Variants in LPP observed in about 807,000 individuals in gnomAD.
LPP encodes the protein lipoma-preferred partner.
Under a neutral mutation model 60.4 loss-of-function variants are expected in LPP, and 38 were observed. The observed-to-expected ratio is 0.63, with a 90% CI of 0.49 to 0.83. The LOEUF is 0.83. Ranked by LOEUF, LPP falls within the 40% of genes least tolerant of loss-of-function variation. The pLI is 0.00. For missense variants in LPP, 902 were observed against 783.6 expected (o/e 1.15, Z -1.80); for synonymous variants, 328 against 290.8 (o/e 1.13, Z -1.30).
intron 3 of LPP, among the ~76,000 whole-genome samples, chr3:188,373,482 T>G (rs1042262696): frequency 1.3e-5 from 2 of 152,338 alleles, no homozygotes; most frequent in South Asian, 4.1e-4. Flanking sequence ...TTTTCATGTG[T>G]TTTTTGGCTG....
At chr3:188,804,273 AT>A (rs1318910604) in intron 9 of LPP, among the ~76,000 whole-genome samples, 5 of 126,772 alleles carry the variant, frequency 3.9e-5, no homozygotes, top group African/African-American at 8.8e-5. Flanking sequence ...ATATATATAT[AT>A]ATATATATAA....
At chr3:188,735,358 A>G (rs1324847434) in intron 8 of LPP, among the ~76,000 whole-genome samples, 1 of 151,410 alleles carries the variant, frequency 6.6e-6, no homozygotes, top group African/African-American at 2.4e-5. Context: ...GTGTAATATA[A>G]ATAAAATAAA....
intron 6 of LPP, among the ~76,000 whole-genome samples, chr3:188,547,742 T>C (rs921024478): frequency 6.6e-6 from 1 of 152,170 alleles, no homozygotes; most frequent in African/African-American, 2.4e-5. Context: ...TTTTGCAAAA[T>C]CCTAGTACAT....
At chr3:188,202,159 G>T (rs904495700) in intron 1 of LPP, among the ~76,000 whole-genome samples, 1 of 151,834 alleles carries the variant, frequency 6.6e-6, no homozygotes, top group Non-Finnish European at 1.5e-5. Context: ...GAGCAGAAAC[G>T]TAGCCTCGTC....
At position 188,879,321 on chromosome 3, in the gene LPP, A is replaced by T. The variant is rs2152076009; in HGVS notation, c.*4842A>T. ...TTCTTTCCTACTTTCCATCCTACCTATTAGTGTTGCTGTACTTGGATTTTT... is the reference window on the plus strand; with the variant it reads ...TTCTTTCCTACTTTCCATCCTACCTTTTAGTGTTGCTGTACTTGGATTTTT... On this transcript the variant is annotated 3_prime_UTR_variant, in exon 12 of 12. Coordinates refer to ENST00000617246, the MANE Select transcript of LPP (RefSeq NM_001375462.1). 8.9e-6 allele frequency: 2 copies of T among 224,080 alleles called. No homozygotes were observed. The highest frequency in any genetic ancestry group is 1.3e-4 in the East Asian group (2 of 15,494). The allele number at this position is 224,080 out of a possible 1,614,324, so 13.9% of individuals were successfully genotyped here. A position where few individuals can be genotyped will look rare whatever the true frequency, so the allele number is the denominator to read the frequency against.
At chr3:188,273,409 T>A (rs2149813945) in intron 2 of LPP, among the ~76,000 whole-genome samples, 1 of 152,250 alleles carries the variant, frequency 6.6e-6, no homozygotes, top group East Asian at 1.9e-4. Flanking sequence ...TGCCAGGCTT[T>A]GTAGTAGATG....
chr3:188,307,901 A>G (rs541770723), intron 2 of LPP, among the ~76,000 whole-genome samples: 8 of 152,280 alleles, frequency 5.3e-5, no homozygotes, highest in African/African-American at 1.9e-4. Context: ...GGTCACCTGC[A>G]CTACTACACT....
intron 1 of LPP, among the ~76,000 whole-genome samples, chr3:188,213,387 C>T (rs1253056539): frequency 6.6e-6 from 1 of 152,096 alleles, no homozygotes; most frequent in African/African-American, 2.4e-5. Context: ...CAGCAGAGAC[C>T]CAGGCCCTGA....
intron 2 of LPP, among the ~76,000 whole-genome samples, chr3:188,294,519 C>T (rs1241883150): frequency 6.6e-6 from 1 of 152,168 alleles, no homozygotes; most frequent in Non-Finnish European, 1.5e-5. Context: ...AAAGTGGTAA[C>T]ACAACTAGAG....
At chr3:188,474,989 ATTGTC>A (rs1802803550) in intron 4 of LPP, among the ~76,000 whole-genome samples, 1 of 152,222 alleles carries the variant, frequency 6.6e-6, no homozygotes, top group Admixed American at 6.5e-5. Flanking sequence ...GAGCTAGACT[ATTGTC>A]TTAATTTCAT....
chr3:188,220,489 A>G (rs760256965), intron 1 of LPP, among the ~76,000 whole-genome samples: 10 of 152,168 alleles, frequency 6.6e-5, no homozygotes, highest in Admixed American at 2.0e-4. Context: ...CATACAACCT[A>G]AGTGGTGACA....
chr3:188,794,527 A>T (rs1252821797), intron 9 of LPP, among the ~76,000 whole-genome samples: 9 of 152,190 alleles, frequency 5.9e-5, no homozygotes, highest in Admixed American at 2.6e-4. Flanking sequence ...AGAAGGGGCA[A>T]ATAGAAAAAA....
intron 2 of LPP, among the ~76,000 whole-genome samples, chr3:188,232,537 G>A (rs1490650736): frequency 1.1e-5 from 1 of 89,992 alleles, no homozygotes; most frequent in Non-Finnish European, 2.2e-5. Context: ...TGTATTTTTA[G>A]TAGAGGAGGT....
chr3:188,219,498 A>G (rs754285169), intron 1 of LPP, among the ~76,000 whole-genome samples: 4 of 152,174 alleles, frequency 2.6e-5, no homozygotes, highest in African/African-American at 4.8e-5. Context: ...ACCTGAAAGG[A>G]CCCAAGGGCG....
At chr3:188,443,571 C>T (rs1794552642) in intron 4 of LPP, among the ~76,000 whole-genome samples, 1 of 152,192 alleles carries the variant, frequency 6.6e-6, no homozygotes, top group Non-Finnish European at 1.5e-5. Flanking sequence ...ATCTCACTTT[C>T]TGGGCTAAGG....
At position 188,610,941 on chromosome 3, in the gene LPP, T is replaced by C. The variant is rs1196650412; in HGVS notation, c.1113+1097T>C. On this transcript the variant is annotated intron_variant, in intron 7 of 11. Coordinates refer to ENST00000617246, the MANE Select transcript of LPP (RefSeq NM_001375462.1). This position sits in a 1 kb window ranked among gnomAD's most constrained non-coding sequence, Gnocchi z 4.4. Reference sequence around the variant, plus strand: ...TTCAATGGTAGTTTTGGGGGATGGATTGGGTAGAAGTTTGGACTGTATTTT... The same window carrying C: ...TTCAATGGTAGTTTTGGGGGATGGACTGGGTAGAAGTTTGGACTGTATTTT... Among the ~76,000 whole-genome samples, 1 of 152,168 alleles carries C rather than the reference T, an allele frequency of 6.6e-6. No individual in the cohort carries two copies. The highest frequency in any genetic ancestry group is 1.5e-5 in the Non-Finnish European group (1 of 68,028).
intron 5 of LPP, among the ~76,000 whole-genome samples, chr3:188,494,379 C>T (rs1809324832): frequency 6.6e-6 from 1 of 152,184 alleles, no homozygotes; most frequent in East Asian, 1.9e-4. Flanking sequence ...ATTGTGTTTT[C>T]ATCGGTGACT....
intron 2 of LPP, among the ~76,000 whole-genome samples, chr3:188,268,466 G>A (rs1560179592): frequency 2.0e-5 from 3 of 152,184 alleles, no homozygotes; most frequent in Non-Finnish European, 4.4e-5. Context: ...AGAAGGTGAC[G>A]GACAGAAAAC....
At position 188,888,492 on chromosome 3, in the gene LPP, C is replaced by T. The variant is rs1355236796; in HGVS notation, c.*14013C>T. 4 of 227,626 alleles carry T rather than the reference C, an allele frequency of 1.8e-5. No individual in the cohort carries two copies. Among genetic ancestry groups the T allele is most frequent in the Admixed American group, 5.7e-5 (1 of 17,572 alleles). The allele number at this position is 227,626 out of a possible 1,614,324, so 14.1% of individuals were successfully genotyped here. A position where few individuals can be genotyped will look rare whatever the true frequency, so the allele number is the denominator to read the frequency against. ...CCCAGCTCTGAATATAGCCATTTGC[C>T]GACTCCGGCCTCTTTGCGAGACTGA... is the stretch of plus-strand genomic sequence containing the variant. On this transcript the variant is annotated 3_prime_UTR_variant, in exon 12 of 12. Transcript: ENST00000617246.
Sources: allele counts gnomAD v4.1 joint callset (sites outside exome capture counted in the v4.1 genomes callset), GRCh38; gene constraint gnomAD v4.1.1; non-coding constraint Gnocchi (gnomAD v3.1); transcripts MANE v1.5; gene names NCBI Gene and HGNC (gene_info 2026-07-23, HGNC 2026-07-21).